Variants in IMMP1L observed in about 807,000 individuals in gnomAD.
IMMP1L encodes mitochondrial inner membrane protease subunit 1.
Under a neutral mutation model 21.8 loss-of-function variants are expected in IMMP1L, and 24 were observed. That is an observed-to-expected ratio of 1.10 (90% CI 0.80 to 1.55). IMMP1L has a LOEUF of 1.55. Ranked by LOEUF, IMMP1L falls within the 40% of genes most tolerant of loss-of-function variation. The pLI is 0.00. For synonymous variants in IMMP1L, 46 were observed against 62.8 expected (o/e 0.73, Z 1.26); for missense variants, 195 against 200.7 (o/e 0.97, Z 0.17).
At chr11:31,466,488 C>T (rs568262901) in intron 1 of IMMP1L, among the ~76,000 whole-genome samples, 2 of 152,174 alleles carry the variant, frequency 1.3e-5, no homozygotes, top group South Asian at 2.1e-4. Flanking sequence ...TTCACAATAG[C>T]TAAGACACAG....
At chr11:31,472,651 GGGAACCTATATA>G (rs2133713833) in intron 1 of IMMP1L, among the ~76,000 whole-genome samples, 1 of 151,982 alleles carries the variant, frequency 6.6e-6, no homozygotes, top group East Asian at 1.9e-4. Context: ...TTCTTTAAAG[GGGAACCTATATA>G]TTCTTTCAAA....
At chr11:31,494,836 A>G (rs1209915253) in intron 1 of IMMP1L, among the ~76,000 whole-genome samples, 4 of 152,012 alleles carry the variant, frequency 2.6e-5, no homozygotes, top group African/African-American at 9.7e-5. Context: ...TAGTAGAAAC[A>G]GGTTTCACTG....
chr11:31,447,320 ATG>A (rs973710770), intron 4 of IMMP1L, among the ~76,000 whole-genome samples: 3 of 152,098 alleles, frequency 2.0e-5, no homozygotes, highest in Non-Finnish European at 2.9e-5. Context: ...ATTAAGGAAG[ATG>A]TGTGAGTGCT....
At chr11:31,462,464 T>G (rs1954185129) in intron 2 of IMMP1L, among the ~76,000 whole-genome samples, 1 of 151,796 alleles carries the variant, frequency 6.6e-6, no homozygotes, top group African/African-American at 2.4e-5. Context: ...AAAAATTGAC[T>G]GGCTGGTCAA....
chr11:31,491,588 A>C (rs1402608545), intron 1 of IMMP1L, among the ~76,000 whole-genome samples: 1 of 152,232 alleles, frequency 6.6e-6, no homozygotes, highest in Non-Finnish European at 1.5e-5. Flanking sequence ...TTACAGTAAA[A>C]TGTGAGAGAA....
chr11:31,438,738 A>AT (rs1409044091), intron 4 of IMMP1L, among the ~76,000 whole-genome samples: 1 of 151,760 alleles, frequency 6.6e-6, no homozygotes, highest in African/African-American at 2.4e-5. Flanking sequence ...CTATTGGATT[A>AT]TTTTTCTGAA....
intron 1 of IMMP1L, among the ~76,000 whole-genome samples, chr11:31,505,326 G>A (rs1317332558): frequency 6.6e-6 from 1 of 152,168 alleles, no homozygotes. Flanking sequence ...GTTTAAGATA[G>A]GCACCTTGGA....
At chr11:31,497,335 T>C (rs1955477443) in intron 1 of IMMP1L, among the ~76,000 whole-genome samples, 2 of 152,106 alleles carry the variant, frequency 1.3e-5, no homozygotes, top group South Asian at 2.1e-4. Context: ...GAATATAGTA[T>C]GATTCCACTT....
chr11:31,472,912 C>A (rs1417631859), intron 1 of IMMP1L, among the ~76,000 whole-genome samples: 6 of 152,278 alleles, frequency 3.9e-5, no homozygotes. Context: ...GTCGTCCAGG[C>A]TGGAGTGCAG....
At chr11:31,454,588 A>G (rs886479968) in intron 4 of IMMP1L, among the ~76,000 whole-genome samples, 4 of 152,166 alleles carry the variant, frequency 2.6e-5, no homozygotes, top group Admixed American at 2.6e-4. Flanking sequence ...TCGTACTGAA[A>G]CATCACACTA....
intron 2 of IMMP1L, among the ~76,000 whole-genome samples, chr11:31,461,900 C>T (rs1254208413): frequency 1.3e-5 from 2 of 152,128 alleles, no homozygotes; most frequent in Non-Finnish European, 2.9e-5. Context: ...TCTCCATTTA[C>T]TCTATTTGTA....
chr11:31,506,677 G>A (rs1289428092), intron 1 of IMMP1L, among the ~76,000 whole-genome samples: 19 of 140,524 alleles, frequency 1.4e-4, no homozygotes, highest in African/African-American at 4.2e-4. Context: ...AAAAAAAAAA[G>A]GCGGCTGGGC....
intron 1 of IMMP1L, among the ~76,000 whole-genome samples, chr11:31,484,826 C>A (rs1168717799): frequency 1.3e-5 from 2 of 151,808 alleles, no homozygotes; most frequent in African/African-American, 4.8e-5. Flanking sequence ...GTGCTCACTG[C>A]AATAAACTAC....
intron 1 of IMMP1L, among the ~76,000 whole-genome samples, chr11:31,498,449 G>A (rs1955519444): frequency 6.6e-6 from 1 of 152,098 alleles, no homozygotes; most frequent in African/African-American, 2.4e-5. Context: ...ATTAAAACAA[G>A]TCTTATGAAA....
intron 1 of IMMP1L, among the ~76,000 whole-genome samples, chr11:31,507,850 A>G (rs1385193701): frequency 1.3e-5 from 2 of 152,152 alleles, no homozygotes; most frequent in Admixed American, 6.5e-5. Context: ...CACAAAAATG[A>G]TAACTATGTG....
chr11:31,452,499 T>C (rs911407640), intron 4 of IMMP1L: 2 of 985,448 alleles, frequency 2.0e-6, no homozygotes, highest in Admixed American at 6.1e-5. Context: ...ATTTGCTACA[T>C]GCTCCTACTT....
chr11:31,483,948 T>C (rs925876060), intron 1 of IMMP1L, among the ~76,000 whole-genome samples: 4 of 151,866 alleles, frequency 2.6e-5, no homozygotes, highest in African/African-American at 9.7e-5. Context: ...TTTATAATAC[T>C]TTTTTTCTTA....
intron 1 of IMMP1L, among the ~76,000 whole-genome samples, chr11:31,501,692 G>C (rs1955622009): frequency 6.6e-6 from 1 of 152,084 alleles, no homozygotes; most frequent in Non-Finnish European, 1.5e-5. Flanking sequence ...GGTGGCTCAT[G>C]CCTGTAATCC....
At chr11:31,441,163 A>G (rs908639350) in intron 4 of IMMP1L, among the ~76,000 whole-genome samples, 1 of 152,136 alleles carries the variant, frequency 6.6e-6, no homozygotes, top group Non-Finnish European at 1.5e-5. Flanking sequence ...TAAAGTATAC[A>G]TATGTATATA....
Sources: allele counts gnomAD v4.1 joint callset (sites outside exome capture counted in the v4.1 genomes callset), GRCh38; gene constraint gnomAD v4.1.1; transcripts MANE v1.5; gene names NCBI Gene and HGNC (gene_info 2026-07-23, HGNC 2026-07-21).